The following CANX variants were observed in gnomAD, a reference collection of about 807,000 sequenced individuals.
CANX encodes the protein epididymis secretory sperm binding protein.
Under a neutral mutation model 75.7 loss-of-function variants are expected in CANX, and 14 were observed. That is an observed-to-expected ratio of 0.19 (90% CI 0.12 to 0.29). CANX has a LOEUF of 0.29. Ranked by LOEUF, CANX falls within the 10% of genes least tolerant of loss-of-function variation. The pLI is 1.00. For synonymous variants in CANX, 227 were observed against 236.9 expected, an observed-to-expected ratio of 0.96 and a Z score of 0.38; for missense variants, 567 against 713.2, an observed-to-expected ratio of 0.79 and a Z score of 2.34.
chr5:179,686,393 C>T (rs138730787), intron 1 of CANX, among the ~76,000 whole-genome samples: 2,048 of 149,862 alleles, frequency 0.014, 36 homozygotes, highest in African/African-American at 0.044. Context: ...CCACCAAGCC[C>T]GGCCATCTTT....
upstream of CANX, chr5:179,698,395 G>A (rs925164129): frequency 1.6e-6 from 2 of 1,221,124 alleles, no homozygotes; most frequent in East Asian, 1.2e-4. Flanking sequence ...GAACTGCGGC[G>A]CCGGCTCACA....
Position 179,701,740 on chromosome 5 carries a change from T to TC in CANX, c.-4+2638_-4+2639insC, listed in dbSNP as rs1383690146. Among the ~76,000 whole-genome samples, 7 of 105,214 alleles carry TC rather than the reference T, an allele frequency of 6.7e-5. No individual in the cohort carries two copies. The East Asian group carries it at 2.1e-3, about 31-fold the overall frequency. 69.0% of individuals were successfully genotyped at this position (105,214 alleles called of 152,430 possible). A position where few individuals can be genotyped will look rare whatever the true frequency, so the allele number is the denominator to read the frequency against. On this transcript the variant is annotated intron_variant, in intron 1 of 14. Coordinates refer to ENST00000247461, the MANE Select transcript of CANX (RefSeq NM_001746.4). ...TTTGTTACTCCAACAGATGTACTTT[T>TC]TTTTTTTTTTTTTTTTTTTTTTTGA...
At position 179,709,913 on chromosome 5, in the gene CANX, G is replaced by GT; in HGVS notation, c.570dup (p.Pro191SerfsTer3). ...AAGACCCCTTATACGATTATGTTTG[G>GT]TCCAGATAAATGTGGAGAGGACTAT... On this transcript the variant is annotated frameshift_variant, in exon 7 of 15. Transcript: ENST00000247461. LOFTEE classifies it high-confidence loss of function. The GT allele has an allele frequency of 6.2e-7, 1 of 1,610,322 alleles. No individual in the cohort carries two copies.
intron 5 of CANX, among the ~76,000 whole-genome samples, chr5:179,708,646 A>G (rs1339272249): frequency 6.6e-6 from 1 of 151,414 alleles, no homozygotes; most frequent in Non-Finnish European, 1.5e-5. Context: ...TAGTTTTTGT[A>G]ATTAATTAAT....
At chr5:179,700,857 G>A (rs1776692494) in intron 1 of CANX, 1 of 150,722 alleles carries the variant, frequency 6.6e-6, no homozygotes, top group Non-Finnish European at 1.5e-5. Context: ...TGTGCCCAGT[G>A]TGGTAACCTT....
At chr5:179,695,097 T>A (rs1357645845), upstream of CANX, among the ~76,000 whole-genome samples, 1 of 152,096 alleles carries the variant, frequency 6.6e-6, no homozygotes, top group Non-Finnish European at 1.5e-5. Context: ...TCTCCCAGGC[T>A]GGAGTGCAGT....
At chr5:179,715,421 C>G (rs1022656920) in intron 7 of CANX, among the ~76,000 whole-genome samples, 3 of 152,068 alleles carry the variant, frequency 2.0e-5, no homozygotes, top group African/African-American at 4.8e-5. Flanking sequence ...GTCTGTAGTT[C>G]CAGCTACTGC....
At chr5:179,722,419 CTAGA>C (rs1778371883) in intron 10 of CANX, among the ~76,000 whole-genome samples, 1 of 152,198 alleles carries the variant, frequency 6.6e-6, no homozygotes, top group Admixed American at 6.6e-5. Flanking sequence ...AGGTAGTTAT[CTAGA>C]AGTGAATTGC....
In CANX at chr5:179,728,815, A is replaced by T. The variant is rs879376573; in HGVS notation, c.*171A>T. On this transcript the variant is annotated 3_prime_UTR_variant, in exon 15 of 15. Coordinates refer to ENST00000247461, the MANE Select transcript of CANX (RefSeq NM_001746.4). The stretch of plus-strand genomic sequence containing the variant: ...TGTAACTTTAAACATCTAGCAGTAA[A>T]TACTTGCAGTTGTGATATAAAGGAC... 5 of 701,180 alleles carry T rather than the reference A, an allele frequency of 7.1e-6. No individual in the cohort carries two copies. Among genetic ancestry groups the T allele is most frequent in the Non-Finnish European group, 1.3e-5 (5 of 375,564 alleles). The allele number at this position is 701,180 out of a possible 1,614,324, so 43.4% of individuals were successfully genotyped here.
At chr5:179,706,212 G>T (rs1462889109) in intron 2 of CANX, 46 bp from the exon 3 acceptor site, 2 of 1,080,190 alleles carry the variant, frequency 1.9e-6, no homozygotes, top group Non-Finnish European at 2.8e-6. Flanking sequence ...AAAAAGGCAT[G>T]TTGCTGAAAA....
At chr5:179,698,955 C>T (rs953594761), upstream of CANX, 5 of 1,116,830 alleles carry the variant, frequency 4.5e-6, no homozygotes, top group Middle Eastern at 4.2e-4. Flanking sequence ...CGGTGGGGCT[C>T]GCTCGCGCGG....
chr5:179,721,614 T>C (rs1358243297), intron 10 of CANX, among the ~76,000 whole-genome samples: 3 of 152,100 alleles, frequency 2.0e-5, no homozygotes, highest in African/African-American at 7.2e-5. Flanking sequence ...CTTGCAACTA[T>C]AAAAAGACTG....
chr5:179,698,629 G>C, upstream of CANX: 2 of 1,263,234 alleles, frequency 1.6e-6, no homozygotes, highest in Non-Finnish European at 2.1e-6. Flanking sequence ...GGTTGGGTTG[G>C]AACGCCCCGA....
intron 8 of CANX, 111 bp downstream of exon 8, chr5:179,716,405 A>T: frequency 1.4e-6 from 1 of 729,586 alleles, no homozygotes; most frequent in Non-Finnish European, 2.3e-6. Context: ...GTAATCCATG[A>T]TGCAGTCTAA....
intron 4 of CANX, among the ~76,000 whole-genome samples, chr5:179,707,899 T>G (rs1777267976): frequency 6.6e-6 from 1 of 152,174 alleles, no homozygotes; most frequent in South Asian, 2.1e-4. Flanking sequence ...TAGAGTGGCG[T>G]GATCTTGGCT....
At chr5:179,707,271 T>A in intron 4 of CANX, 81 bp downstream of exon 4, 1 of 844,080 alleles carries the variant, frequency 1.2e-6, no homozygotes, top group Non-Finnish European at 2.1e-6. Flanking sequence ...AAGACTAGTT[T>A]AAAAGGACAT....
intron 7 of CANX, among the ~76,000 whole-genome samples, chr5:179,712,171 TTTG>T (rs761927915): frequency 2.8e-4 from 43 of 151,978 alleles, no homozygotes; most frequent in African/African-American, 7.9e-4. Context: ...CTTCCTTTTT[TTTG>T]TTGTTGTTGT....
intron 1 of CANX, among the ~76,000 whole-genome samples, chr5:179,693,008 C>G (rs1260631286): frequency 1.3e-5 from 2 of 151,570 alleles, no homozygotes; most frequent in East Asian, 4.0e-4. Flanking sequence ...TAGCCGGGCA[C>G]AGTGGCAGGC....
chr5:179,709,109 G>T (rs1453959176), intron 6 of CANX, 50 bp downstream of exon 6: 1 of 1,135,814 alleles, frequency 8.8e-7, no homozygotes, highest in South Asian at 1.2e-5. Flanking sequence ...CTATTACCTT[G>T]TAAGAATTTT....
Sources: gnomAD v4.1 joint callset for allele counts (sites outside exome capture counted in the v4.1 genomes callset) on GRCh38, gnomAD v4.1.1 for gene constraint, MANE v1.5 for transcripts, NCBI Gene and HGNC (gene_info 2026-07-23, HGNC 2026-07-21) for gene names.